The following BCO1 variants were observed in gnomAD, a reference collection of about 807,000 sequenced individuals.
BCO1 encodes the protein beta-carotene oxygenase 1, also known as beta,beta-carotene 15,15'-dioxygenase.
In BCO1, 54 loss-of-function variants were observed where a neutral mutation model predicts 56.3. The observed-to-expected ratio is 0.96, with a 90% confidence interval of 0.77 to 1.20. The LOEUF (loss-of-function observed/expected upper bound fraction) is 1.20. BCO1 is among the 50% of genes most tolerant of loss of function. The pLI, the probability that BCO1 is intolerant of heterozygous loss-of-function variation, is 0.00. For synonymous variants in BCO1, 318 were observed against 266.1 expected, an observed-to-expected ratio of 1.20 and a Z score of -1.90; for missense variants, 801 against 690.9, an observed-to-expected ratio of 1.16 and a Z score of -1.79.
intron 7 of BCO1, among the ~76,000 whole-genome samples, chr16:81,271,112 AT>A (rs778503897): frequency 9.9e-4 from 110 of 111,182 alleles, no homozygotes; most frequent in African/African-American, 2.2e-3. Context: ...CCTTTTATTT[AT>A]TTTTTTTTTT....
intron 1 of BCO1, among the ~76,000 whole-genome samples, chr16:81,239,745 T>G (rs1255725275): frequency 1.3e-5 from 2 of 152,198 alleles, no homozygotes; most frequent in East Asian, 3.8e-4. Flanking sequence ...CTGCAGAGCC[T>G]ATAGGAGTAG....
chr16:81,288,490 C>A (rs1461134198), intron 10 of BCO1, among the ~76,000 whole-genome samples: 1 of 152,168 alleles, frequency 6.6e-6, no homozygotes, highest in Non-Finnish European at 1.5e-5. Flanking sequence ...GTCTCAAACT[C>A]TTGGGCTCAA....
In BCO1 at chr16:81,242,192, CTTTTTTT is replaced by C. The variant is rs796252592; in HGVS notation, c.64+3239_64+3245del. The stretch of plus-strand genomic sequence containing the variant: ...TGCCCAAGGCAAGAGACTTGGCTGT[CTTTTTTT>C]TTTTTTTTTTTTTTTTTTGAGGCGG... On this transcript the variant is annotated intron_variant, in intron 1 of 10. Transcript: ENST00000258168. Among the ~76,000 whole-genome samples, 319 of 78,766 alleles carry C rather than the reference CTTTTTTT, an allele frequency of 4.0e-3. 6 individuals carry two copies. The East Asian group carries it at 0.09, about 22-fold the overall frequency. 51.7% of individuals were successfully genotyped at this position (78,766 alleles called of 152,430 possible). A position where few individuals can be genotyped will look rare whatever the true frequency, so the allele number is the denominator to read the frequency against.
chr16:81,244,083 C>T (rs76252226), intron 1 of BCO1, among the ~76,000 whole-genome samples: 1 of 152,368 alleles, frequency 6.6e-6, no homozygotes, highest in African/African-American at 2.4e-5. Context: ...GCTTCCTGCT[C>T]TTCCTGCATG....
intron 7 of BCO1, among the ~76,000 whole-genome samples, chr16:81,276,494 T>C (rs1238575029): frequency 6.6e-6 from 1 of 152,182 alleles, no homozygotes; most frequent in Non-Finnish European, 1.5e-5. Flanking sequence ...GGCTGTTGCC[T>C]TGGTTGTGCT....
intron 8 of BCO1, among the ~76,000 whole-genome samples, chr16:81,283,407 T>A (rs1267402504): frequency 6.6e-6 from 1 of 151,556 alleles, no homozygotes; most frequent in Admixed American, 6.6e-5. Context: ...CTGGACAACA[T>A]GGCAAAACCC....
chr16:81,270,380 C>G lies in BCO1; in HGVS notation c.1065C>G (p.Thr355=), dbSNP rs1183800298. 6.2e-7 allele frequency: 1 copy of G among 1,614,000 alleles called. No homozygotes were observed. The highest frequency in any genetic ancestry group is 1.7e-5 in the Admixed American group (1 of 59,986). ...KENSRLTSVP[T]LRRFAVPLHV... ...ACTCCAGGCTCACCTCGGTCCCCACCCTCAGGAGGTTTGCCGTGCCCCTCC... is the reference window on the plus strand; with the variant it reads ...ACTCCAGGCTCACCTCGGTCCCCACGCTCAGGAGGTTTGCCGTGCCCCTCC... The change falls in exon 7 of 11, where the codon ACC becomes ACG. Residue 355 remains threonine (T), a synonymous_variant. Transcript: ENST00000258168.
rs1904984162 is a variant in BCO1, at chr16:81,238,938, A to G, written c.30A>G (p.Lys10=). MDIIFGRNR[K]EQLEPVRAKV... is the part of the protein sequence containing the mutation. ...ATATAATATTTGGCAGGAATAGGAA[A>G]GAACAGCTGGAGCCTGTGAGGGCCA... is the stretch of plus-strand genomic sequence containing the variant. Residue 10 remains lysine, a synonymous_variant, in exon 1 of 11, where the codon AAA becomes AAG. Coordinates refer to ENST00000258168, the MANE Select transcript of BCO1 (RefSeq NM_017429.3). The G allele has an allele frequency of 6.2e-7, 1 of 1,614,034 alleles. No individual in the cohort carries two copies. The highest frequency in any genetic ancestry group is 8.5e-7 in the Non-Finnish European group (1 of 1,180,026).
At position 81,245,789 on chromosome 16, in the gene BCO1, C is replaced by T. The variant is rs1034517767; in HGVS notation, c.193+186C>T. On this transcript the variant is annotated intron_variant, in intron 2 of 10. Coordinates refer to ENST00000258168, the MANE Select transcript of BCO1 (RefSeq NM_017429.3). ...CTGGAGGCTCTAGGAAAAATATCCA[C>T]GTTCTTCCGTTTTCTATCTTCTAGA... Among the ~76,000 whole-genome samples the T allele has an allele frequency of 4.0e-5, 6 of 150,998 alleles. No homozygotes were observed. In the East Asian group the frequency reaches 1.2e-3, roughly 29 times the overall value.
intron 1 of BCO1, among the ~76,000 whole-genome samples, chr16:81,245,015 C>T (rs533697147): frequency 1.3e-5 from 2 of 152,178 alleles, no homozygotes; most frequent in East Asian, 3.9e-4. Context: ...CTCAGCCTCC[C>T]GAGTAGCTGG....
rs1908424108 is a variant in BCO1, at chr16:81,290,881, G to T, written c.*304G>T. 1 of 300,242 alleles carries T rather than the reference G, an allele frequency of 3.3e-6. No individual in the cohort carries two copies. Among genetic ancestry groups the T allele is most frequent in the South Asian group, 6.6e-5 (1 of 15,224 alleles). The allele number at this position is 300,242 out of a possible 1,614,324, so 18.6% of individuals were successfully genotyped here. A position where few individuals can be genotyped will look rare whatever the true frequency, so the allele number is the denominator to read the frequency against. ...CCATGAATCAGAGATTGTATTCAAT[G>T]ACATTATCATCATTTTTAGAACGAG... On this transcript the variant is annotated 3_prime_UTR_variant, in exon 11 of 11. Transcript: ENST00000258168.
At chr16:81,247,313 G>T (rs1271735867) in intron 2 of BCO1, among the ~76,000 whole-genome samples, 1 of 152,072 alleles carries the variant, frequency 6.6e-6, no homozygotes, top group Non-Finnish European at 1.5e-5. Flanking sequence ...TGGGATCATT[G>T]GAAGTATTGG....
intron 1 of BCO1, 80 bp from the exon 2 acceptor site, chr16:81,245,395 A>G (rs562872102): frequency 2.5e-6 from 4 of 1,607,972 alleles, no homozygotes; most frequent in Non-Finnish European, 3.4e-6. Context: ...ACAACTCTCA[A>G]ATTCCTTTCC....
rs117791873 is a variant in BCO1, at chr16:81,244,920, C to T, written c.65-555C>T. Among the ~76,000 whole-genome samples the T allele has an allele frequency of 1.9e-4, 29 of 151,944 alleles. No individual in the cohort carries two copies. In the East Asian group the frequency reaches 3.9e-3, roughly 20 times the overall value. ...GGGGGGTTTTTTTGACACAGAGTTT[C>T]GCTCTTGTTGCCCAGACTTTAGTGC... is the stretch of plus-strand genomic sequence containing the variant. On this transcript the variant is annotated intron_variant, in intron 1 of 10. Transcript: ENST00000258168.
At chr16:81,279,206 G>A (rs1280409314) in intron 7 of BCO1, among the ~76,000 whole-genome samples, 1 of 152,180 alleles carries the variant, frequency 6.6e-6, no homozygotes, top group African/African-American at 2.4e-5. Context: ...TTGAGCCTGG[G>A]AGTTTAAGGC....
rs146166285 is a variant in BCO1, at chr16:81,278,549, T to C, written c.1102-2308T>C. The stretch of plus-strand genomic sequence containing the variant: ...CAGGCACTGAGCAAAATCTGGTCCC[T>C]GGCTTCATGCGGCAGACAAGCTAAA... On this transcript the variant is annotated intron_variant, in intron 7 of 10. Transcript: ENST00000258168. 2.3e-3 allele frequency among the ~76,000 whole-genome samples: 352 copies of C among 152,338 alleles called. 1 individual carries two copies. The highest frequency in any genetic ancestry group is 0.01 in the Middle Eastern group (3 of 294).
At chr16:81,276,660 C>G (rs1464770308) in intron 7 of BCO1, among the ~76,000 whole-genome samples, 1 of 152,240 alleles carries the variant, frequency 6.6e-6, no homozygotes, top group Non-Finnish European at 1.5e-5. Context: ...ATTGCTGGAA[C>G]ATTCTGTCTG....
chr16:81,271,747 G>A (rs1035214226), intron 7 of BCO1, among the ~76,000 whole-genome samples: 3 of 151,940 alleles, frequency 2.0e-5, no homozygotes, highest in Non-Finnish European at 4.4e-5. Context: ...GTTGTTGTTG[G>A]TTTTTGCTTG....
At chr16:81,272,261 C>T (rs1907274292) in intron 7 of BCO1, among the ~76,000 whole-genome samples, 1 of 151,768 alleles carries the variant, frequency 6.6e-6, no homozygotes, top group Admixed American at 6.6e-5. Flanking sequence ...CTACAGACAC[C>T]TGCCACCACG....
Sources: gnomAD v4.1 joint callset for allele counts (sites outside exome capture counted in the v4.1 genomes callset) on GRCh38, gnomAD v4.1.1 for gene constraint, MANE v1.5 for transcripts, NCBI Gene and HGNC (gene_info 2026-07-23, HGNC 2026-07-21) for gene names.